Variants in CAMTA1 observed in about 807,000 individuals in gnomAD.
CAMTA1 encodes calmodulin-binding transcription activator 1.
Under a neutral mutation model 170.9 loss-of-function variants are expected in CAMTA1, and 27 were observed. The observed-to-expected ratio is 0.16, with a 90% CI of 0.12 to 0.22. The LOEUF (loss-of-function observed/expected upper bound fraction) is 0.22. Ranked by LOEUF, CAMTA1 falls within the 10% of genes least tolerant of loss-of-function variation. The pLI, the probability that CAMTA1 is intolerant of heterozygous loss-of-function variation, is 1.00. For synonymous variants in CAMTA1, 833 were observed against 891.5 expected (o/e 0.93, Z 1.17); for missense variants, 1,619 against 2,217.2 (o/e 0.73, Z 5.42).
In CAMTA1 at chr1:7,444,220, C is replaced by G. The variant is rs868750690; in HGVS notation, c.439-23610C>G. On this transcript the variant is annotated intron_variant, in intron 5 of 22. Transcript: ENST00000303635. ...GATCTTCATCTGTCATGTCCTTCCT[C>G]TGGAGTGTGGCCTCAGGGCTGTATC... Among the ~76,000 whole-genome samples the G allele has an allele frequency of 7.2e-5, 11 of 152,368 alleles. No individual in the cohort carries two copies. In the South Asian group the frequency reaches 1.7e-3, roughly 23 times the overall value.
intron 1 of CAMTA1, among the ~76,000 whole-genome samples, chr1:6,805,511 G>A (rs1247226845): frequency 6.6e-6 from 1 of 152,126 alleles, no homozygotes; most frequent in East Asian, 1.9e-4. Context: ...TTGTCTTTTC[G>A]CTTTTGTTTT....
At chr1:7,648,293 G>A (rs1259070236) in intron 7 of CAMTA1, among the ~76,000 whole-genome samples, 2 of 151,984 alleles carry the variant, frequency 1.3e-5, no homozygotes, top group Non-Finnish European at 2.9e-5. Flanking sequence ...TTGGTAGGCT[G>A]AGGCAGGAGA....
intron 1 of CAMTA1, among the ~76,000 whole-genome samples, chr1:6,791,661 A>G (rs1215469850): frequency 6.6e-6 from 1 of 152,154 alleles, no homozygotes; most frequent in Non-Finnish European, 1.5e-5. Flanking sequence ...TGTGTTTGAG[A>G]GTGAGAGTGA....
intron 9 of CAMTA1, among the ~76,000 whole-genome samples, chr1:7,666,656 G>T (rs1371827277): frequency 6.6e-6 from 1 of 152,200 alleles, no homozygotes; most frequent in African/African-American, 2.4e-5. Context: ...ATTGGACACT[G>T]CCTGGGAGGT....
Position 7,697,606 on chromosome 1 carries a change from G to A in CAMTA1, c.2914+19873G>A, listed in dbSNP as rs552500979. ...ACATCCAACATGTGTGTAATAGTGG[G>A]GGCCTGGTAGAAGTTGCTGGCGGAA... On this transcript the variant is annotated intron_variant, in intron 11 of 22. Coordinates refer to ENST00000303635, the MANE Select transcript of CAMTA1 (RefSeq NM_015215.4). Among the ~76,000 whole-genome samples the A allele has an allele frequency of 6.5e-4, 99 of 152,318 alleles. 1 individual carries two copies. Among genetic ancestry groups the A allele is most frequent in the African/African-American group, 2.1e-3 (89 of 41,560 alleles).
At chr1:7,705,563 G>A (rs886075297) in intron 11 of CAMTA1, among the ~76,000 whole-genome samples, 3 of 150,984 alleles carry the variant, frequency 2.0e-5, no homozygotes, top group African/African-American at 4.8e-5. Context: ...GGCCCGGCCC[G>A]GCCGGCGGCG....
chr1:7,564,163 C>G lies in CAMTA1; in HGVS notation c.511-76237C>G, dbSNP rs948855877. ...CCCCATGTCCCCTCCTGGGGTGCAC[C>G]CCTCCTGGCCTGTGGTCCTCCCAGA... On this transcript the variant is annotated intron_variant, in intron 6 of 22. Transcript: ENST00000303635. Among the ~76,000 whole-genome samples, 2 of 152,234 alleles carry G rather than the reference C, an allele frequency of 1.3e-5. 1 individual carries two copies. The highest frequency in any genetic ancestry group is 2.9e-5 in the Non-Finnish European group (2 of 68,030).
intron 4 of CAMTA1, among the ~76,000 whole-genome samples, chr1:7,094,836 G>A (rs1218176792): frequency 1.3e-5 from 2 of 152,146 alleles, no homozygotes; most frequent in Non-Finnish European, 2.9e-5. Context: ...TGCGGAACGT[G>A]TTTTTTTGGC....
chr1:6,862,534 T>A (rs1665142984), intron 3 of CAMTA1, among the ~76,000 whole-genome samples: 1 of 152,238 alleles, frequency 6.6e-6, no homozygotes, highest in Non-Finnish European at 1.5e-5. Context: ...TTTCTTTCAT[T>A]TTTTAACTAT....
At chr1:7,160,796 CA>C (rs926702722) in intron 4 of CAMTA1, among the ~76,000 whole-genome samples, 48 of 152,292 alleles carry the variant, frequency 3.2e-4, no homozygotes, top group African/African-American at 1.0e-3. Flanking sequence ...TTGGATTCCC[CA>C]CACTGTTTTC....
At chr1:6,851,002 A>G (rs1278995455) in intron 3 of CAMTA1, among the ~76,000 whole-genome samples, 1 of 152,192 alleles carries the variant, frequency 6.6e-6, no homozygotes, top group Non-Finnish European at 1.5e-5. Flanking sequence ...GAAGAAGATA[A>G]CATCACTCAG....
At chr1:7,111,818 C>T (rs1458508067) in intron 4 of CAMTA1, among the ~76,000 whole-genome samples, 1 of 144,902 alleles carries the variant, frequency 6.9e-6, no homozygotes, top group Non-Finnish European at 1.5e-5. Flanking sequence ...CCGGGAGGTG[C>T]AGGTTGCAGT....
chr1:7,012,994 A>G (rs1050670609), intron 3 of CAMTA1, among the ~76,000 whole-genome samples: 2 of 151,908 alleles, frequency 1.3e-5, no homozygotes, highest in Admixed American at 1.3e-4. Context: ...TGCCAACTTC[A>G]TCCTGCTAGT....
chr1:7,299,897 A>G lies in CAMTA1; in HGVS notation c.438+50271A>G, dbSNP rs1674511965. 2.0e-5 allele frequency among the ~76,000 whole-genome samples: 3 copies of G among 152,206 alleles called. No individual in the cohort carries two copies. The highest frequency in any genetic ancestry group is 4.4e-5 in the Non-Finnish European group (3 of 68,038). ...ATAAGGAACACAAAATGAGACCTAGAGTCTTAGAAGGGGCCCGTGCAACCA... is the reference window on the plus strand; with the variant it reads ...ATAAGGAACACAAAATGAGACCTAGGGTCTTAGAAGGGGCCCGTGCAACCA... On this transcript the variant is annotated intron_variant, in intron 5 of 22. Transcript: ENST00000303635. The surrounding 1 kb of genome is among the most constrained non-coding windows in gnomAD (Gnocchi z 4.7).
chr1:7,250,451 G>A (rs192301869), intron 5 of CAMTA1, among the ~76,000 whole-genome samples: 9 of 152,306 alleles, frequency 5.9e-5, no homozygotes, highest in South Asian at 4.2e-4. Flanking sequence ...CCTTGGGCCC[G>A]GAGCTGAGAA....
At position 7,224,176 on chromosome 1, in the gene CAMTA1, G is replaced by A. The variant is rs934419166; in HGVS notation, c.303-25315G>A. Reference sequence around the variant, plus strand: ...ATCCTGGACCTCACCCGATGGGAGGGAGAATGATGCTCTGCCAGGTGGAGG... The same window carrying A: ...ATCCTGGACCTCACCCGATGGGAGGAAGAATGATGCTCTGCCAGGTGGAGG... On this transcript the variant is annotated intron_variant, in intron 4 of 22. Coordinates refer to ENST00000303635, the MANE Select transcript of CAMTA1 (RefSeq NM_015215.4). The surrounding 1 kb of genome is among the most constrained non-coding windows in gnomAD (Gnocchi z 5.2). 1.3e-5 allele frequency among the ~76,000 whole-genome samples: 2 copies of A among 152,230 alleles called. No homozygotes were observed. Among genetic ancestry groups the A allele is most frequent in the African/African-American group, 4.8e-5 (2 of 41,468 alleles).
At chr1:7,475,039 G>A (rs904278250) in intron 6 of CAMTA1, among the ~76,000 whole-genome samples, 1 of 152,188 alleles carries the variant, frequency 6.6e-6, no homozygotes, top group Non-Finnish European at 1.5e-5. Context: ...CTCTCCACCC[G>A]GATGAGCTGG....
chr1:7,599,038 G>A (rs867087452), intron 6 of CAMTA1, among the ~76,000 whole-genome samples: 2 of 152,194 alleles, frequency 1.3e-5, no homozygotes, highest in African/African-American at 4.8e-5. Context: ...GAATGGTATT[G>A]CCTAGGTTTT....
intron 5 of CAMTA1, among the ~76,000 whole-genome samples, chr1:7,439,965 C>T (rs147374575): frequency 2.6e-5 from 4 of 152,350 alleles, no homozygotes; most frequent in South Asian, 2.1e-4. Flanking sequence ...GCTAGAATTC[C>T]GTGAGGCTTT....
Sources: gnomAD v4.1 joint callset for allele counts (sites outside exome capture counted in the v4.1 genomes callset) on GRCh38, gnomAD v4.1.1 for gene constraint, Gnocchi (gnomAD v3.1) non-coding constraint, MANE v1.5 for transcripts, NCBI Gene and HGNC (gene_info 2026-07-23, HGNC 2026-07-21) for gene names.